The following DOCK1 variants were observed in gnomAD, a reference collection of about 807,000 sequenced individuals.
The protein encoded by DOCK1 is dedicator of cytokinesis 1.
In DOCK1, 138 loss-of-function variants were observed where a neutral mutation model predicts 262.7. The ratio of observed to expected loss-of-function variants is 0.53; its 90% confidence interval spans 0.46 to 0.61. The LOEUF (loss-of-function observed/expected upper bound fraction) is 0.61. DOCK1 is among the 20% of genes least tolerant of loss of function. DOCK1 has a pLI of 0.00. For missense variants in DOCK1, 1,908 were observed against 2,370.7 expected (o/e 0.80, Z 4.05); for synonymous variants, 866 against 867.4 (o/e 1.00, Z 0.03).
At chr10:127,132,999 A>G (rs1027643627) in intron 27 of DOCK1, among the ~76,000 whole-genome samples, 1 of 152,160 alleles carries the variant, frequency 6.6e-6, no homozygotes, top group African/African-American at 2.4e-5. Flanking sequence ...TCACCACTGG[A>G]GCATCCTGAC....
chr10:127,309,695 G>C (rs1478591325), intron 29 of DOCK1, among the ~76,000 whole-genome samples: 2 of 152,108 alleles, frequency 1.3e-5, no homozygotes, highest in Non-Finnish European at 2.9e-5. Flanking sequence ...ATTAAATAGG[G>C]AATGCTTTCC....
chr10:126,987,679 T>G, intron 5 of DOCK1, 62 bp downstream of exon 5: 1 of 1,355,300 alleles, frequency 7.4e-7, no homozygotes. Flanking sequence ...TTGACCCTGA[T>G]ATGCCAATGG....
intron 27 of DOCK1, among the ~76,000 whole-genome samples, chr10:127,198,903 A>T (rs948077052): frequency 6.6e-6 from 1 of 152,098 alleles, no homozygotes; most frequent in Non-Finnish European, 1.5e-5. Context: ...ATCATGCTCC[A>T]GGCTTTAAAG....
In DOCK1 at chr10:127,100,009, C is replaced by T. The variant is rs189602577; in HGVS notation, c.2446-6222C>T. Among the ~76,000 whole-genome samples the T allele has an allele frequency of 1.3e-5, 2 of 152,228 alleles. No homozygotes were observed. The highest frequency in any genetic ancestry group is 1.9e-4 in the East Asian group (1 of 5,148). On this transcript the variant is annotated intron_variant, in intron 23 of 51. Coordinates refer to ENST00000623213, the MANE Select transcript of DOCK1 (RefSeq NM_001290223.2). This position sits in a 1 kb window ranked among gnomAD's most constrained non-coding sequence, Gnocchi z 5.5. Reference sequence around the variant, plus strand: ...ACCTGGGAAACTGGAAGAGGCTCGGCTTGGTGGGAGAGAGTCCTGCAGGTA... The same window carrying T: ...ACCTGGGAAACTGGAAGAGGCTCGGTTTGGTGGGAGAGAGTCCTGCAGGTA...
intron 11 of DOCK1, among the ~76,000 whole-genome samples, chr10:127,009,704 C>G (rs1262058642): frequency 1.3e-5 from 2 of 152,124 alleles, no homozygotes; most frequent in Non-Finnish European, 2.9e-5. Context: ...ACTTGAAACA[C>G]ATTTCAGATT....
Position 127,297,186 on chromosome 10 carries a change from G to T in DOCK1, c.3044+39757G>T, listed in dbSNP as rs868394576. 9.8e-5 allele frequency among the ~76,000 whole-genome samples: 15 copies of T among 152,318 alleles called. No individual in the cohort carries two copies. The Middle Eastern group carries it at 0.017, about 173-fold the overall frequency. On this transcript the variant is annotated intron_variant, in intron 29 of 51. Transcript: ENST00000623213. ...GAAATGTGGGTGGACACCATTAATGGAGATGGAAGGAGGTGTTGGAATGGA... is the reference window on the plus strand; with the variant it reads ...GAAATGTGGGTGGACACCATTAATGTAGATGGAAGGAGGTGTTGGAATGGA...
At chr10:127,315,084 A>G (rs1467538944) in intron 29 of DOCK1, among the ~76,000 whole-genome samples, 1 of 152,286 alleles carries the variant, frequency 6.6e-6, no homozygotes, top group South Asian at 2.1e-4. Context: ...TCCTCGTCAT[A>G]GGGTGGGCTA....
chr10:127,169,483 G>A (rs2054368113), intron 27 of DOCK1, among the ~76,000 whole-genome samples: 1 of 152,178 alleles, frequency 6.6e-6, no homozygotes. Context: ...TTAGCTGTAT[G>A]AATATGGTCA....
Position 127,291,205 on chromosome 10 carries a change from G to A in DOCK1, c.3044+33776G>A, listed in dbSNP as rs116748508. 1.5e-3 allele frequency among the ~76,000 whole-genome samples: 234 copies of A among 152,310 alleles called. 1 individual carries two copies. The highest frequency in any genetic ancestry group is 5.2e-3 in the African/African-American group (217 of 41,570). On this transcript the variant is annotated intron_variant, in intron 29 of 51. Coordinates refer to ENST00000623213, the MANE Select transcript of DOCK1 (RefSeq NM_001290223.2). ...ACAAAGGGCAGCACAGAGGCTCACC[G>A]TGCTTAAGTGTCACGTGGATTTACT...
chr10:127,217,639 A>G (rs1187036821), intron 27 of DOCK1, among the ~76,000 whole-genome samples: 2 of 152,242 alleles, frequency 1.3e-5, no homozygotes, highest in East Asian at 3.9e-4. Flanking sequence ...TAAAAATCTG[A>G]GCATATTCAA....
intron 47 of DOCK1, 150 bp downstream of exon 47, chr10:127,426,161 G>T (rs2068801595): frequency 2.2e-6 from 3 of 1,372,550 alleles, no homozygotes; most frequent in Admixed American, 2.2e-5. Context: ...GCCCCCTTGG[G>T]CAGTCTTGTC....
At chr10:127,423,767 G>A (rs879759041) in intron 46 of DOCK1, among the ~76,000 whole-genome samples, 1 of 152,156 alleles carries the variant, frequency 6.6e-6, no homozygotes, top group Non-Finnish European at 1.5e-5. Flanking sequence ...GATGTTCTGT[G>A]CTGCTTTCAG....
intron 47 of DOCK1, among the ~76,000 whole-genome samples, chr10:127,426,647 T>A (rs2068835696): frequency 6.6e-6 from 1 of 152,120 alleles, no homozygotes; most frequent in African/African-American, 2.4e-5. Context: ...GGAGTTTGAA[T>A]GGCAGGCCAG....
At chr10:126,954,407 A>C (rs989680245) in intron 1 of DOCK1, among the ~76,000 whole-genome samples, 1 of 152,106 alleles carries the variant, frequency 6.6e-6, no homozygotes, top group East Asian at 1.9e-4. Flanking sequence ...TGTTTTTTCT[A>C]TTTTCTTTAT....
intron 16 of DOCK1, among the ~76,000 whole-genome samples, chr10:127,028,130 C>A (rs183477640): frequency 7.4e-4 from 112 of 152,226 alleles, no homozygotes; most frequent in African/African-American, 2.4e-3. Context: ...CCTGTCCCAA[C>A]AGTGCATGCA....
At chr10:127,013,278 C>T (rs2041613867) in intron 12 of DOCK1, among the ~76,000 whole-genome samples, 1 of 152,102 alleles carries the variant, frequency 6.6e-6, no homozygotes, top group Non-Finnish European at 1.5e-5. Context: ...GATGTGGCCT[C>T]TGCAGACAGA....
At chr10:126,906,246 G>C (rs2030793688) in intron 1 of DOCK1, among the ~76,000 whole-genome samples, 1 of 152,204 alleles carries the variant, frequency 6.6e-6, no homozygotes, top group Non-Finnish European at 1.5e-5. Context: ...TCGCTTCCGA[G>C]GGGGGATGGA....
In DOCK1 at chr10:127,018,841, A is replaced by T. The variant is rs185739533; in HGVS notation, c.1327+6A>T. 8 of 1,613,758 alleles carry T rather than the reference A, an allele frequency of 5.0e-6. No homozygotes were observed. The African/African-American group carries it at 9.3e-5, about 19-fold the overall frequency. Reference sequence around the variant, plus strand: ...TCCGGAGATAATCATGCCTGGTAAGAACTGGCTTGTTCAGGGCTTCTCAGC... The same window carrying T: ...TCCGGAGATAATCATGCCTGGTAAGTACTGGCTTGTTCAGGGCTTCTCAGC... On this transcript the variant is annotated splice_donor_region_variant and intron_variant, in intron 13 of 51. Coordinates refer to ENST00000623213, the MANE Select transcript of DOCK1 (RefSeq NM_001290223.2).
In DOCK1 at chr10:127,146,650, A is replaced by G. The variant is rs11016467; in HGVS notation, c.2847+18886A>G. Among the ~76,000 whole-genome samples, 1,004 of 152,292 alleles carry G rather than the reference A, an allele frequency of 6.6e-3. 4 individuals carry two copies. Among genetic ancestry groups the G allele is most frequent in the Admixed American group, 0.012 (177 of 15,302 alleles). ...TCACCATAAATACTAAGAACAGAGC[A>G]CTAAACATTAGGCAAAAGGCGAATT... On this transcript the variant is annotated intron_variant, in intron 27 of 51. Transcript: ENST00000623213.
Sources: gnomAD v4.1 joint callset for allele counts (sites outside exome capture counted in the v4.1 genomes callset) on GRCh38, gnomAD v4.1.1 for gene constraint, Gnocchi (gnomAD v3.1) non-coding constraint, MANE v1.5 for transcripts, NCBI Gene and HGNC (gene_info 2026-07-23, HGNC 2026-07-21) for gene names.